The following CALCOCO1 variants were observed in gnomAD, a reference collection of about 807,000 sequenced individuals.
CALCOCO1 encodes calcium-binding and coiled-coil domain-containing protein 1.
A neutral mutation model predicts 86.3 loss-of-function variants in CALCOCO1; 44 were observed. The ratio of observed to expected loss-of-function variants is 0.51; its 90% confidence interval spans 0.40 to 0.66. The LOEUF is 0.66. Ranked by LOEUF, CALCOCO1 falls within the 30% of genes least tolerant of loss-of-function variation. The pLI is 0.00. For synonymous variants in CALCOCO1, 297 were observed against 327.6 expected, an observed-to-expected ratio of 0.91 and a Z score of 1.01; for missense variants, 708 against 851.1, an observed-to-expected ratio of 0.83 and a Z score of 2.09.
intron 9 of CALCOCO1, 85 bp downstream of exon 9, chr12:53,715,708 C>T: frequency 1.9e-6 from 3 of 1,542,524 alleles, no homozygotes; most frequent in Non-Finnish European, 8.8e-7. Context: ...CTTCTCTCCT[C>T]CCAGAGGGTC....
In CALCOCO1 at chr12:53,715,760, C is replaced by T. The variant is rs910573468; in HGVS notation, c.1260+33G>A. The stretch of plus-strand genomic sequence containing the variant: ...TCCCCACAGAGGTGGGGGCAGTGGC[C>T]ATCAGATTGCCAGGTACCCCCCATC... On this transcript the variant is annotated intron_variant, in intron 9 of 14. Transcript: ENST00000550804. 3.7e-6 allele frequency: 6 copies of T among 1,604,794 alleles called. No homozygotes were observed. In the Middle Eastern group the frequency reaches 6.6e-4, roughly 176 times the overall value.
intron 6 of CALCOCO1, among the ~76,000 whole-genome samples, chr12:53,720,343 G>T (rs1430927418): frequency 6.6e-6 from 1 of 152,162 alleles, no homozygotes; most frequent in Admixed American, 6.5e-5. Flanking sequence ...CTTGAACACA[G>T]ATTTGAAGTT....
chr12:53,716,895 T>C (rs1480892137), intron 7 of CALCOCO1, among the ~76,000 whole-genome samples: 2 of 152,160 alleles, frequency 1.3e-5, no homozygotes, highest in African/African-American at 2.4e-5. Flanking sequence ...CTATTGCTTC[T>C]CCATCCTGGT....
Position 53,722,851 on chromosome 12 carries a change from G to A in CALCOCO1, c.451-668C>T, listed in dbSNP as rs370142173. 159 of 408,296 alleles carry A rather than the reference G, an allele frequency of 3.9e-4. 1 individual carries two copies. Among genetic ancestry groups the A allele is most frequent in the African/African-American group, 2.7e-3 (126 of 46,466 alleles). The allele number at this position is 408,296 out of a possible 1,614,324, so 25.3% of individuals were successfully genotyped here. ...GTTGTAAGGCTCAAATGAGAATCAC[G>A]ATTGTGAAACCGCAACAGAGAGTAG... On this transcript the variant is annotated intron_variant, in intron 4 of 14. Coordinates refer to ENST00000550804, the MANE Select transcript of CALCOCO1 (RefSeq NM_020898.3).
chr12:53,715,944 G>A lies in CALCOCO1; in HGVS notation c.1109C>T (p.Ala370Val), dbSNP rs1352822807. 5 of 1,614,078 alleles carry A rather than the reference G, an allele frequency of 3.1e-6. No individual in the cohort carries two copies. Among genetic ancestry groups the A allele is most frequent in the Non-Finnish European group, 8.5e-7 (1 of 1,180,004 alleles). ...TLLGEELASA[A>V]AARDRTIAEL... ...GGCTATGGTGCGGTCCCTGGCTGCT[G>A]CTGCACTGGCCAACTCCTCCCCAAG... Residue 370 changes from alanine to valine, a missense_variant, in exon 9 of 15, where the codon GCA (alanine) becomes GTA (valine). Physicochemically the swap from Ala to Val is moderately conservative, Grantham distance 64. Transcript: ENST00000550804.
At chr12:53,713,983 T>A (rs1338222126) in intron 12 of CALCOCO1, 83 bp from the exon 13 acceptor site, 4 of 1,338,458 alleles carry the variant, frequency 3.0e-6, no homozygotes, top group Non-Finnish European at 3.1e-6. Context: ...ATGAGGGGTA[T>A]CATTAGACTA....
rs1412770104 is a variant in CALCOCO1 at position 53,719,778 on chromosome 12, C to A, written c.810G>T (p.Gly270=). 1 of 1,613,746 alleles carries A rather than the reference C, an allele frequency of 6.2e-7. No individual in the cohort carries two copies. The highest frequency in any genetic ancestry group is 8.5e-7 in the Non-Finnish European group (1 of 1,179,868). The change falls in exon 7 of 15, where the codon GGG becomes GGT. Residue 270 remains glycine, a synonymous_variant. Transcript: ENST00000550804. The part of the protein sequence containing the change: ...ALTREQEKLL[G]QLKEVQADKE... ...TGTCTGCTTGTACTTCTTTCAGTTG[C>A]CCAAGGAGCTTCTCTTGTTCCCGAG... is the stretch of plus-strand genomic sequence containing the variant.
Position 53,715,744 on chromosome 12 carries a change from A to C in CALCOCO1, c.1260+49T>G, listed in dbSNP as rs747968881. 3 of 1,594,464 alleles carry C rather than the reference A, an allele frequency of 1.9e-6. No homozygotes were observed. The South Asian group carries it at 3.3e-5, about 18-fold the overall frequency. On this transcript the variant is annotated intron_variant, in intron 9 of 14. Coordinates refer to ENST00000550804, the MANE Select transcript of CALCOCO1 (RefSeq NM_020898.3). ...TGACCACATGTAGGAGTCCCCACAGAGGTGGGGGCAGTGGCCATCAGATTG... is the reference window on the plus strand; with the variant it reads ...TGACCACATGTAGGAGTCCCCACAGCGGTGGGGGCAGTGGCCATCAGATTG...
At chr12:53,713,338 G>A in intron 13 of CALCOCO1, 132 bp from the exon 14 acceptor site, 1 of 712,882 alleles carries the variant, frequency 1.4e-6, no homozygotes, top group South Asian at 1.6e-5. Context: ...GAGTGAGGCA[G>A]GAGAGGCGTT....
chr12:53,723,609 T>C lies in CALCOCO1; in HGVS notation c.434A>G (p.Lys145Arg). ...GGSDILLVVP[K>R]ATVLQNQLDE... Reference sequence around the variant, plus strand: ...TTTTCTCACCTGTAACACAGTTGCCTTGGGGACAACCAGCAGGATGTCAGA... The same window carrying C: ...TTTTCTCACCTGTAACACAGTTGCCCTGGGGACAACCAGCAGGATGTCAGA... Residue 145 changes from lysine to arginine, a missense_variant, in exon 4 of 15, where the codon AAG (lysine) becomes AGG (arginine). Transcript: ENST00000550804. The C allele has an allele frequency of 2.5e-6, 4 of 1,614,204 alleles. 1 individual carries two copies. Among genetic ancestry groups the C allele is most frequent in the South Asian group, 2.2e-5 (2 of 91,082 alleles).
rs557883674 is a variant in CALCOCO1, at chr12:53,724,806, A to G, written c.157-59T>C. On this transcript the variant is annotated intron_variant, in intron 2 of 14. Coordinates refer to ENST00000550804, the MANE Select transcript of CALCOCO1 (RefSeq NM_020898.3). ...CATGGAACTACCTTCTATGGATGGAAGAAAGGGCTGAGGGGTTGAATAAGG... is the reference window on the plus strand; with the variant it reads ...CATGGAACTACCTTCTATGGATGGAGGAAAGGGCTGAGGGGTTGAATAAGG... The G allele has an allele frequency of 4.4e-5, 61 of 1,390,840 alleles. No homozygotes were observed. The African/African-American group carries it at 5.0e-4, about 11-fold the overall frequency. The allele number at this position is 1,390,840 out of a possible 1,614,324, so 86.2% of individuals were successfully genotyped here.
intron 1 of CALCOCO1, among the ~76,000 whole-genome samples, chr12:53,726,012 C>G (rs954372401): frequency 4.0e-5 from 6 of 151,296 alleles, no homozygotes; most frequent in Admixed American, 3.3e-4. Flanking sequence ...GCGGCAACTT[C>G]AAGGGTGGAG....
chr12:53,718,756 C>T (rs1454001809), intron 7 of CALCOCO1, among the ~76,000 whole-genome samples: 4 of 151,798 alleles, frequency 2.6e-5, no homozygotes, highest in Non-Finnish European at 5.9e-5. Flanking sequence ...TTTTGAACCC[C>T]TGGGCTTGAA....
chr12:53,716,612 T>C (rs980661349), intron 7 of CALCOCO1, among the ~76,000 whole-genome samples, 197 bp from the exon 8 acceptor site: 1 of 152,222 alleles, frequency 6.6e-6, no homozygotes, highest in Non-Finnish European at 1.5e-5. Context: ...AGCTCCCAAA[T>C]TGAGGTATCC....
At chr12:53,714,836 C>T (rs565816799) in intron 10 of CALCOCO1, 143 bp from the exon 11 acceptor site, 1 of 630,400 alleles carries the variant, frequency 1.6e-6, no homozygotes, top group African/African-American at 1.8e-5. Flanking sequence ...CACAGGAATT[C>T]CCAACACTTC....
intron 7 of CALCOCO1, among the ~76,000 whole-genome samples, chr12:53,717,301 G>A (rs1490552194): frequency 6.6e-6 from 1 of 152,130 alleles, no homozygotes; most frequent in East Asian, 1.9e-4. Context: ...TCCTGAGCTC[G>A]AGGGATCCTC....
intron 7 of CALCOCO1, 104 bp downstream of exon 7, chr12:53,719,635 C>G: frequency 1.3e-6 from 1 of 775,756 alleles, no homozygotes; most frequent in South Asian, 1.6e-5. Flanking sequence ...AGAGTGCACA[C>G]AATGTCTTCT....
At chr12:53,725,782 C>T (rs1425894822) in intron 1 of CALCOCO1, 1 of 152,266 alleles carries the variant, frequency 6.6e-6, no homozygotes, top group Non-Finnish European at 1.5e-5. Context: ...GTTGAGTTTT[C>T]AGAGCTAGAA....
chr12:53,716,231 G>A (rs769841730), intron 8 of CALCOCO1, 29 bp downstream of exon 8: 32 of 1,611,122 alleles, frequency 2.0e-5, no homozygotes, highest in Middle Eastern at 1.7e-4. Flanking sequence ...GGAATTTCCC[G>A]TTTCCTGTTG....
Sources: allele counts gnomAD v4.1 joint callset (sites outside exome capture counted in the v4.1 genomes callset), GRCh38; gene constraint gnomAD v4.1.1; transcripts MANE v1.5; gene names NCBI Gene and HGNC (gene_info 2026-07-23, HGNC 2026-07-21).